Variants in CNTN6 observed in about 807,000 individuals in gnomAD.
CNTN6 encodes the protein contactin-6.
CNTN6 carries 137 observed loss-of-function variants against 122.8 expected under a neutral mutation model. That is an observed-to-expected ratio of 1.12 (90% confidence interval 0.97 to 1.29). The LOEUF (loss-of-function observed/expected upper bound fraction) is 1.29. Ranked by LOEUF, CNTN6 falls within the 50% of genes most tolerant of loss-of-function variation. The pLI, the probability that CNTN6 is intolerant of heterozygous loss-of-function variation, is 0.00. For missense variants in CNTN6, 1,634 were observed against 1,223.4 expected (o/e 1.34, Z -5.01); for synonymous variants, 570 against 426.0 (o/e 1.34, Z -4.16).
At chr3:1,119,775 G>C (rs2091882859) in intron 1 of CNTN6, among the ~76,000 whole-genome samples, 1 of 151,966 alleles carries the variant, frequency 6.6e-6, no homozygotes, top group South Asian at 2.1e-4. Flanking sequence ...TATGGGTCCA[G>C]TTAAATGAAT....
chr3:1,301,889 A>T (rs958928401), intron 7 of CNTN6, among the ~76,000 whole-genome samples: 1 of 152,230 alleles, frequency 6.6e-6, no homozygotes, highest in African/African-American at 2.4e-5. Context: ...AGAATTTTAT[A>T]TATGCTTGCC....
At chr3:1,268,283 G>A (rs1042611878) in intron 4 of CNTN6, among the ~76,000 whole-genome samples, 48 of 152,158 alleles carry the variant, frequency 3.2e-4, no homozygotes, top group African/African-American at 1.1e-3. Flanking sequence ...CTAACAACTT[G>A]TGTCAAGTTG....
chr3:1,135,592 A>G (rs1019513919), intron 1 of CNTN6, among the ~76,000 whole-genome samples: 2 of 151,970 alleles, frequency 1.3e-5, no homozygotes, highest in Non-Finnish European at 2.9e-5. Context: ...ATACATATAC[A>G]CACACACATA....
intron 1 of CNTN6, among the ~76,000 whole-genome samples, chr3:1,120,724 CTA>C (rs2091917543): frequency 6.6e-6 from 1 of 151,758 alleles, no homozygotes; most frequent in South Asian, 2.1e-4. Context: ...ATATTTTCTC[CTA>C]TGTTTCCTTC....
intron 12 of CNTN6, among the ~76,000 whole-genome samples, chr3:1,365,651 T>G (rs1468077572): frequency 6.6e-6 from 1 of 152,068 alleles, no homozygotes; most frequent in Non-Finnish European, 1.5e-5. Flanking sequence ...AACCTTGAAT[T>G]AAATAAAATT....
At chr3:1,304,578 G>A (rs867378177) in intron 7 of CNTN6, among the ~76,000 whole-genome samples, 23 of 152,202 alleles carry the variant, frequency 1.5e-4, no homozygotes, top group Middle Eastern at 6.8e-3. Context: ...AGGCTTGAAA[G>A]AATTCAGCAA....
At chr3:1,261,120 A>C (rs1559639915) in intron 4 of CNTN6, among the ~76,000 whole-genome samples, 1 of 152,108 alleles carries the variant, frequency 6.6e-6, no homozygotes, top group African/African-American at 2.4e-5. Flanking sequence ...TCATTGTTGC[A>C]TTTTCAGCTG....
intron 2 of CNTN6, among the ~76,000 whole-genome samples, chr3:1,161,152 C>T (rs2093123349): frequency 6.6e-6 from 1 of 151,708 alleles, no homozygotes; most frequent in Admixed American, 6.6e-5. Flanking sequence ...AGCAGGTCCT[C>T]ACTTAGTGTT....
chr3:1,268,786 A>T (rs551598600), intron 4 of CNTN6, among the ~76,000 whole-genome samples: 1 of 152,066 alleles, frequency 6.6e-6, no homozygotes, highest in East Asian at 1.9e-4. Flanking sequence ...TCGTTACATC[A>T]TCCGACACTG....
At chr3:1,206,446 C>T (rs941425811) in intron 2 of CNTN6, among the ~76,000 whole-genome samples, 17 of 152,272 alleles carry the variant, frequency 1.1e-4, no homozygotes, top group African/African-American at 4.1e-4. Flanking sequence ...GAACTCAGTG[C>T]CTCCCTGTCA....
In CNTN6 at chr3:1,385,739, C is replaced by G; in HGVS notation, c.2646C>G (p.Tyr882Ter). 1 of 1,614,098 alleles carries G rather than the reference C, an allele frequency of 6.2e-7. No individual in the cohort carries two copies. The highest frequency in any genetic ancestry group is 8.5e-7 in the Non-Finnish European group (1 of 1,179,940). ...TCTACTTTGCTTCCGTAAGAGCTTA[C>G]AACACTGCTGGGACAGGGCCCTCAA... ...NTIYFASVRAYNTAGTGPSSP... is the reference protein window; with the variant it reads ...NTIYFASVRA The change falls in exon 20 of 23, where the codon TAC becomes TAG. Residue 882 changes from tyrosine to a stop codon, truncating the protein, a stop_gained. Coordinates refer to ENST00000446702, the MANE Select transcript of CNTN6 (RefSeq NM_001289080.2). LOFTEE classifies it high-confidence loss of function.
intron 2 of CNTN6, among the ~76,000 whole-genome samples, chr3:1,157,273 G>A (rs558857078): frequency 2.6e-5 from 4 of 151,198 alleles, no homozygotes; most frequent in East Asian, 2.0e-4. Context: ...GCTGGAGTGC[G>A]GTGGCACGAT....
At chr3:1,308,269 A>G (rs1698669995) in intron 7 of CNTN6, among the ~76,000 whole-genome samples, 1 of 144,214 alleles carries the variant, frequency 6.9e-6, no homozygotes, top group Admixed American at 7.1e-5. Flanking sequence ...TTATGCACTC[A>G]TCAATGTATG....
chr3:1,098,785 C>T (rs1181303978), intron 1 of CNTN6, among the ~76,000 whole-genome samples: 297 of 49,378 alleles, frequency 6.0e-3, no homozygotes, highest in Middle Eastern at 8.3e-3. Context: ...CACACACACA[C>T]ACACATATAT....
chr3:1,123,294 CT>C (rs1559355325), intron 1 of CNTN6, among the ~76,000 whole-genome samples: 2 of 151,786 alleles, frequency 1.3e-5, no homozygotes, highest in Non-Finnish European at 2.9e-5. Context: ...AGATATCTTT[CT>C]ATTTATTAGA....
chr3:1,280,661 C>T (rs537766311), intron 5 of CNTN6, among the ~76,000 whole-genome samples: 4 of 151,764 alleles, frequency 2.6e-5, no homozygotes, highest in African/African-American at 9.7e-5. Context: ...GACGGGTTTT[C>T]GCCATGTTGG....
chr3:1,094,376 T>A (rs1464497292), intron 1 of CNTN6, among the ~76,000 whole-genome samples: 1 of 152,190 alleles, frequency 6.6e-6, no homozygotes. Context: ...ACAGAAGCAT[T>A]TCATCTTTGA....
intron 12 of CNTN6, among the ~76,000 whole-genome samples, chr3:1,353,912 G>A (rs116136767): frequency 0.034 from 5,081 of 151,554 alleles, 118 homozygotes; most frequent in South Asian, 0.056. Context: ...GTTTTTAAAA[G>A]AAAGTTTCTT....
At chr3:1,341,098 G>C (rs746398155) in intron 11 of CNTN6, among the ~76,000 whole-genome samples, 5 of 151,960 alleles carry the variant, frequency 3.3e-5, no homozygotes, top group Non-Finnish European at 4.4e-5. Context: ...ACAATGTTCA[G>C]ACTTCTCCAT....
Sources: allele counts gnomAD v4.1 joint callset (sites outside exome capture counted in the v4.1 genomes callset), GRCh38; gene constraint gnomAD v4.1.1; transcripts MANE v1.5; gene names NCBI Gene and HGNC (gene_info 2026-07-23, HGNC 2026-07-21).